The following ZW10 variants were observed in gnomAD, a reference collection of about 807,000 sequenced individuals.
ZW10 encodes the protein zw10 kinetochore protein.
Under a neutral mutation model 87.8 loss-of-function variants are expected in ZW10, and 53 were observed. That is an observed-to-expected ratio of 0.60 (90% CI 0.48 to 0.76). The LOEUF is 0.76. Ranked by LOEUF, ZW10 falls within the 30% of genes least tolerant of loss-of-function variation. The pLI is 0.00. For missense variants in ZW10, 837 were observed against 923.0 expected, an observed-to-expected ratio of 0.91 and a Z score of 1.21; for synonymous variants, 312 against 329.2, an observed-to-expected ratio of 0.95 and a Z score of 0.57.
At chr11:113,737,463 A>C in intron 14 of ZW10, 109 bp downstream of exon 14, 1 of 1,124,584 alleles carries the variant, frequency 8.9e-7, no homozygotes, top group Non-Finnish European at 1.2e-6. Context: ...AAACAGCATG[A>C]GTTAGACATG....
At position 113,739,307 on chromosome 11, in the gene ZW10, C is replaced by G. The variant is rs1565279448; in HGVS notation, c.1659G>C (p.Leu553=). The G allele has an allele frequency of 6.2e-7, 1 of 1,613,878 alleles. No homozygotes were observed. The highest frequency in any genetic ancestry group is 8.5e-7 in the Non-Finnish European group (1 of 1,179,900). ...NNCMYIAHHL[L]TLGHQFRLRL... ...GCAATCTGAACTGATGCCCGAGGGTCAGCAAGTGGTGAGCAATGTACATAC... is the reference window on the plus strand; with the variant it reads ...GCAATCTGAACTGATGCCCGAGGGTGAGCAAGTGGTGAGCAATGTACATAC... Residue 553 remains leucine, a synonymous_variant, in exon 12 of 16, where the codon CTG becomes CTC. Coordinates refer to ENST00000200135, the MANE Select transcript of ZW10 (RefSeq NM_004724.4).
At position 113,760,335 on chromosome 11, in the gene ZW10, T is replaced by C. The variant is rs773371204; in HGVS notation, c.454A>G (p.Lys152Glu). The change falls in exon 5 of 16, where the codon AAA becomes GAA. Residue 152 changes from lysine (K) to glutamate (E), a missense_variant. By Grantham distance (56) the Lys-to-Glu change is moderately conservative. Coordinates refer to ENST00000200135, the MANE Select transcript of ZW10 (RefSeq NM_004724.4). ...QKCLKLLKSRKCFDLKILKSL... is the reference protein window; with the variant it reads ...QKCLKLLKSRECFDLKILKSL... ...TTCAATATTTTTAAATCAAAGCATT[T>C]TCTGGATTTTAATAACTTCAAGCAT... The C allele has an allele frequency of 3.1e-6, 5 of 1,613,900 alleles. No individual in the cohort carries two copies. In the African/African-American group the frequency reaches 6.7e-5, roughly 22 times the overall value.
intron 5 of ZW10, 95 bp from the exon 6 acceptor site, chr11:113,758,801 GTTCTATTACAATATACTCC>G: frequency 8.2e-7 from 1 of 1,225,350 alleles, no homozygotes; most frequent in Non-Finnish European, 1.2e-6. Flanking sequence ...TTCCAATGCA[GTTCTATTACAATATACTCC>G]TAATGCAACC....
intron 1 of ZW10, 133 bp downstream of exon 1, chr11:113,773,429 T>G: frequency 2.9e-6 from 2 of 689,954 alleles, no homozygotes; most frequent in South Asian, 3.7e-5. Context: ...CCCCCACAAC[T>G]AGATCTCCCC....
In ZW10 at chr11:113,747,568, C is replaced by G; in HGVS notation, c.1235G>C (p.Arg412Thr). 1 of 1,613,550 alleles carries G rather than the reference C, an allele frequency of 6.2e-7. No homozygotes were observed. The highest frequency in any genetic ancestry group is 8.5e-7 in the Non-Finnish European group (1 of 1,179,636). The change falls in exon 9 of 16, where the codon AGA becomes ACA. Residue 412 changes from arginine to threonine, a missense_variant. Coordinates refer to ENST00000200135, the MANE Select transcript of ZW10 (RefSeq NM_004724.4). ...ATGAATTTCTGAGGTCATTAGATTT[C>G]TGGCTGCCACAATCACATCCTGGCA... ...KKCQDVIVAA[R>T]NLMTSEIHNT... is the part of the protein sequence containing the mutation.
chr11:113,766,217 T>G (rs187943812), intron 2 of ZW10, among the ~76,000 whole-genome samples: 9 of 151,720 alleles, frequency 5.9e-5, no homozygotes, highest in African/African-American at 2.2e-4. Flanking sequence ...CCAAAAAATT[T>G]AGCTGGGCAT....
intron 12 of ZW10, among the ~76,000 whole-genome samples, chr11:113,738,940 C>T (rs1393520396): frequency 6.6e-6 from 1 of 152,134 alleles, no homozygotes; most frequent in African/African-American, 2.4e-5. Context: ...GAATCCTGAC[C>T]TGGCAAATTC....
intron 2 of ZW10, among the ~76,000 whole-genome samples, chr11:113,762,940 GGTTT>G (rs1414301327): frequency 2.0e-5 from 3 of 152,158 alleles, no homozygotes; most frequent in African/African-American, 4.8e-5. Flanking sequence ...AGAACACGCA[GGTTT>G]GTTACACAGG....
intron 15 of ZW10, among the ~76,000 whole-genome samples, chr11:113,734,076 C>T (rs1255914472): frequency 6.6e-6 from 1 of 152,132 alleles, no homozygotes; most frequent in African/African-American, 2.4e-5. Context: ...TATACCAAGG[C>T]CTCTTTGAAC....
chr11:113,738,520 TATC>T lies in ZW10; in HGVS notation c.1754-129_1754-127del, dbSNP rs1049077735. 3 of 900,266 alleles carry T rather than the reference TATC, an allele frequency of 3.3e-6. No homozygotes were observed. In the African/African-American group the frequency reaches 5.2e-5, roughly 16 times the overall value. 55.8% of individuals were successfully genotyped at this position (900,266 alleles called of 1,614,324 possible). A position where few individuals can be genotyped will look rare whatever the true frequency, so the allele number is the denominator to read the frequency against. ...CTATATAAAAATAATTGCTAGATAATATCATAAAGCTGCCCTAAAGCTACTAGA... is the reference window on the plus strand; with the variant it reads ...CTATATAAAAATAATTGCTAGATAATATAAAGCTGCCCTAAAGCTACTAGA... On this transcript the variant is annotated intron_variant, in intron 12 of 15. Coordinates refer to ENST00000200135, the MANE Select transcript of ZW10 (RefSeq NM_004724.4).
At chr11:113,760,615 A>T in intron 3 of ZW10, 25 bp from the exon 4 acceptor site, 1 of 1,554,614 alleles carries the variant, frequency 6.4e-7, no homozygotes. Flanking sequence ...ATAATATTTT[A>T]TACATCCTAT....
chr11:113,744,072 T>A, intron 9 of ZW10, 32 bp from the exon 10 acceptor site: 1 of 1,541,028 alleles, frequency 6.5e-7, no homozygotes, highest in Non-Finnish European at 8.9e-7. Flanking sequence ...ACAGAAAATA[T>A]ATTGTTTTCA....
chr11:113,736,702 C>A lies in ZW10; in HGVS notation c.2137G>T (p.Val713Phe), dbSNP rs764029380. ...ESKNKKYQEE[V>F]PVYVPKWMPF... ...ATCCATTTTGGCACATAGACTGGAA[C>A]CTCTTCTTGATATTTCTTGTTCTTG... is the stretch of plus-strand genomic sequence containing the variant. Residue 713 changes from valine to phenylalanine, a missense_variant, in exon 15 of 16, where the codon GTT becomes TTT. Transcript: ENST00000200135. 4.3e-6 allele frequency: 7 copies of A among 1,614,168 alleles called. No individual in the cohort carries two copies. Among genetic ancestry groups the A allele is most frequent in the Admixed American group, 1.7e-5 (1 of 60,026 alleles).
intron 5 of ZW10, among the ~76,000 whole-genome samples, chr11:113,759,927 C>G (rs1241349092): frequency 6.6e-6 from 1 of 152,164 alleles, no homozygotes; most frequent in Admixed American, 6.5e-5. Context: ...ATCATCTCCT[C>G]TAGCACACTC....
At chr11:113,769,019 T>C (rs1953935629) in intron 1 of ZW10, 52 bp from the exon 2 acceptor site, 1 of 1,572,374 alleles carries the variant, frequency 6.4e-7, no homozygotes, top group Non-Finnish European at 8.7e-7. Flanking sequence ...AGTAGAGAAC[T>C]CTAATAAGAA....
At chr11:113,743,366 C>G (rs1044446930) in intron 10 of ZW10, among the ~76,000 whole-genome samples, 1 of 152,176 alleles carries the variant, frequency 6.6e-6, no homozygotes, top group Non-Finnish European at 1.5e-5. Context: ...AACTATTACC[C>G]ACTGCCAACA....
In ZW10 at chr11:113,743,904, T is replaced by C. The variant is rs780554519; in HGVS notation, c.1409A>G (p.His470Arg). 2 of 1,614,174 alleles carry C rather than the reference T, an allele frequency of 1.2e-6. No individual in the cohort carries two copies. Among genetic ancestry groups the C allele is most frequent in the Non-Finnish European group, 1.7e-6 (2 of 1,180,006 alleles). ...ACGGCATGTGGGCAAGGAAAAGGAA[T>C]GTTGGTCCAATGTATTTTCAGGCTC... ...NLEPENTLDQ[H>R]SFSLPTCRIS... is the part of the protein sequence containing the mutation. The change falls in exon 10 of 16, where the codon CAT becomes CGT. Residue 470 changes from histidine (H) to arginine (R), a missense_variant. His to Arg is a conservative substitution (Grantham distance 29, BLOSUM62 0). Coordinates refer to ENST00000200135, the MANE Select transcript of ZW10 (RefSeq NM_004724.4).
At chr11:113,766,318 C>T (rs889488855) in intron 2 of ZW10, among the ~76,000 whole-genome samples, 1 of 151,944 alleles carries the variant, frequency 6.6e-6, no homozygotes, top group South Asian at 2.1e-4. Flanking sequence ...TGAGCCTTGA[C>T]TGTGCCACCC....
At chr11:113,762,175 C>T (rs1339512295) in intron 2 of ZW10, among the ~76,000 whole-genome samples, 2 of 152,168 alleles carry the variant, frequency 1.3e-5, no homozygotes, top group Non-Finnish European at 2.9e-5. Context: ...CTATATAAAA[C>T]TATTGCTCTT....
Sources: gnomAD v4.1 joint callset for allele counts (sites outside exome capture counted in the v4.1 genomes callset) on GRCh38, gnomAD v4.1.1 for gene constraint, MANE v1.5 for transcripts, NCBI Gene and HGNC (gene_info 2026-07-23, HGNC 2026-07-21) for gene names.